The following MOSPD2 variants were observed in gnomAD, a reference collection of about 807,000 sequenced individuals.
MOSPD2 encodes the protein motile sperm domain containing 2.
In MOSPD2, 5 loss-of-function variants were observed where a neutral mutation model predicts 41.7. That is an observed-to-expected ratio of 0.12 (90% CI 0.06 to 0.25). The LOEUF (loss-of-function observed/expected upper bound fraction) is 0.25, where lower values mean the gene tolerates loss of function less well. MOSPD2 is among the 10% of genes least tolerant of loss of function. The pLI is 1.00. For missense variants in MOSPD2, 282 were observed against 375.2 expected, an observed-to-expected ratio of 0.75 and a Z score of 2.05; for synonymous variants, 115 against 126.9, an observed-to-expected ratio of 0.91 and a Z score of 0.63.
chrX:14,889,178 C>T (rs995612561), intron 2 of MOSPD2, among the ~76,000 whole-genome samples: 7 of 110,667 alleles, frequency 6.3e-5, no homozygotes, highest in African/African-American at 2.3e-4. Context: ...AGGGAGGAAC[C>T]CTTATGGCCT....
At chrX:14,896,164 C>T (rs992523831) in intron 4 of MOSPD2, among the ~76,000 whole-genome samples, 1 of 110,613 alleles carries the variant, frequency 9.0e-6, no homozygotes, top group Non-Finnish European at 1.9e-5. Flanking sequence ...TGATCAATCA[C>T]GAGCATCTTG....
At chrX:14,878,988 TCTTA>T (rs2092526668) in intron 2 of MOSPD2, among the ~76,000 whole-genome samples, 2 of 112,284 alleles carry the variant, frequency 1.8e-5, no homozygotes, top group Middle Eastern at 4.6e-3. Flanking sequence ...TTACTCATTC[TCTTA>T]CTTCTCATTA....
chrX:14,919,733 T>C lies in MOSPD2; in HGVS notation c.1481T>C (p.Phe494Ser), dbSNP rs760339015. 6 of 1,209,676 alleles carry C rather than the reference T, an allele frequency of 5.0e-6. No homozygotes were observed. The South Asian group carries it at 1.1e-4, about 21-fold the overall frequency. Residue 494 changes from phenylalanine (F) to serine (S), a missense_variant, in exon 15 of 15, where the codon TTC becomes TCC. Physicochemically the swap from Phe to Ser is radical, Grantham distance 155 (BLOSUM62 -2). Transcript: ENST00000380492. ...GACCAAGTTCAGCGTTGTATCTGGTTCCAGCAGCTGCTGCTTTCCTTAACA... is the reference window on the plus strand; with the variant it reads ...GACCAAGTTCAGCGTTGTATCTGGTCCCAGCAGCTGCTGCTTTCCTTAACA... ...LEDQVQRCIW[F>S]QQLLLSLTML...
rs769683212 is a variant in MOSPD2, at chrX:14,882,922, C to T, written c.79+9164C>T. On this transcript the variant is annotated intron_variant, in intron 2 of 14. Coordinates refer to ENST00000380492, the MANE Select transcript of MOSPD2 (RefSeq NM_152581.4). ...AAAGAATCTGTTACTAGGTGCTGGG[C>T]GCTGTGGCTCACGCCTGGAATCCCA... Among the ~76,000 whole-genome samples, 5 of 110,408 alleles carry T rather than the reference C, an allele frequency of 4.5e-5. No individual in the cohort carries two copies. The East Asian group carries it at 1.1e-3, about 25-fold the overall frequency.
chrX:14,918,097 C>T (rs993151654), intron 13 of MOSPD2, among the ~76,000 whole-genome samples: 2 of 111,829 alleles, frequency 1.8e-5, no homozygotes, highest in Admixed American at 1.9e-4. Flanking sequence ...TTCAAAGACA[C>T]TGGTTATGGG....
rs767744988 is a variant in MOSPD2, at chrX:14,897,071, C to G, written c.323-13C>G. ...CCATAAGTCTTGTTCTTATTTTTAT[C>G]TTCTGCTTAAAGTCTGGATCAGGGT... On this transcript the variant is annotated splice_polypyrimidine_tract_variant and intron_variant, in intron 4 of 14. Coordinates refer to ENST00000380492, the MANE Select transcript of MOSPD2 (RefSeq NM_152581.4). 3 of 1,154,000 alleles carry G rather than the reference C, an allele frequency of 2.6e-6. No individual in the cohort carries two copies. Among genetic ancestry groups the G allele is most frequent in the Non-Finnish European group, 1.2e-6 (1 of 865,922 alleles).
intron 3 of MOSPD2, among the ~76,000 whole-genome samples, chrX:14,894,595 C>G (rs1427572478): frequency 9.1e-6 from 1 of 110,313 alleles, no homozygotes; most frequent in Non-Finnish European, 1.9e-5. Context: ...GGGTTACAGG[C>G]GTGAGCCACC....
intron 12 of MOSPD2, 114 bp from the exon 13 acceptor site, chrX:14,916,083 C>T: frequency 9.1e-7 from 1 of 1,094,369 alleles, no homozygotes; most frequent in Non-Finnish European, 1.2e-6. Flanking sequence ...AAGACATTTC[C>T]ATTTTCTTCT....
chrX:14,899,565 T>TACACACACACACACACACACAC (rs59555716), intron 5 of MOSPD2, among the ~76,000 whole-genome samples: 65 of 81,046 alleles, frequency 8.0e-4, no homozygotes, highest in Non-Finnish European at 1.5e-3. Context: ...ATTATATACA[T>TACACACACACACACACACACAC]ACACACACAC....
At chrX:14,885,637 A>G (rs2092539789) in intron 2 of MOSPD2, among the ~76,000 whole-genome samples, 1 of 111,404 alleles carries the variant, frequency 9.0e-6, no homozygotes, top group Non-Finnish European at 1.9e-5. Flanking sequence ...AAGTTTGCCA[A>G]TCTTGTCATA....
At chrX:14,899,606 A>ACACACACACACACACACAC (rs1569103813) in intron 5 of MOSPD2, among the ~76,000 whole-genome samples, 4 of 105,599 alleles carry the variant, frequency 3.8e-5, no homozygotes, top group Non-Finnish European at 5.8e-5. Context: ...ACACACACAC[A>ACACACACACACACACACAC]AAGGTATTAT....
chrX:14,875,928 C>T (rs770528413), intron 2 of MOSPD2, among the ~76,000 whole-genome samples: 3 of 111,624 alleles, frequency 2.7e-5, no homozygotes, highest in African/African-American at 6.5e-5. Flanking sequence ...ACATGGGTTC[C>T]GTAGCAGCCT....
chrX:14,913,259 T>A (rs978155550), intron 10 of MOSPD2, among the ~76,000 whole-genome samples: 28 of 112,032 alleles, frequency 2.5e-4, no homozygotes, highest in African/African-American at 8.4e-4. Flanking sequence ...TATTTGGAAG[T>A]TACACATTCT....
chrX:14,922,320 G>GA lies in MOSPD2; in HGVS notation c.*2518dup, dbSNP rs1003383883. The stretch of plus-strand genomic sequence containing the variant: ...ACATTTATGAAATAAATATCATCAG[G>GA]AAAAAAACCTCTGGTCTCTAATTGA... On this transcript the variant is annotated 3_prime_UTR_variant, in exon 15 of 15. Transcript: ENST00000380492. 2.7e-5 allele frequency: 3 copies of GA among 110,867 alleles called. No homozygotes were observed. Among genetic ancestry groups the GA allele is most frequent in the East Asian group, 2.8e-4 (1 of 3,533 alleles). 9.1% of individuals were successfully genotyped at this position (110,867 alleles called of 1,213,427 possible).
chrX:14,887,529 C>G (rs930458685), intron 2 of MOSPD2, among the ~76,000 whole-genome samples: 3 of 111,260 alleles, frequency 2.7e-5, no homozygotes, highest in African/African-American at 9.8e-5. Context: ...TCATTCTACT[C>G]TATATCCTGA....
At chrX:14,893,695 C>T (rs1277761734) in intron 3 of MOSPD2, among the ~76,000 whole-genome samples, 1 of 112,554 alleles carries the variant, frequency 8.9e-6, no homozygotes, top group African/African-American at 3.2e-5. Flanking sequence ...AGCAGATACT[C>T]TCCTCACTCT....
chrX:14,883,148 C>T (rs1245167061), intron 2 of MOSPD2, among the ~76,000 whole-genome samples: 1 of 109,696 alleles, frequency 9.1e-6, no homozygotes, highest in Admixed American at 9.7e-5. Flanking sequence ...GAGCCAAGAT[C>T]GTGCCACTGA....
intron 7 of MOSPD2, among the ~76,000 whole-genome samples, chrX:14,905,473 C>T (rs1269575559): frequency 9.1e-6 from 1 of 110,240 alleles, no homozygotes; most frequent in Non-Finnish European, 1.9e-5. Context: ...ATGTAACTGA[C>T]ACACGTCTTC....
intron 4 of MOSPD2, among the ~76,000 whole-genome samples, chrX:14,896,847 T>C (rs1312622932): frequency 8.9e-6 from 1 of 112,871 alleles, no homozygotes; most frequent in Non-Finnish European, 1.9e-5. Context: ...GTATTTTCTT[T>C]TCCCTCTTAC....
Sources: allele counts gnomAD v4.1 joint callset (sites outside exome capture counted in the v4.1 genomes callset), GRCh38; gene constraint gnomAD v4.1.1; transcripts MANE v1.5; gene names NCBI Gene and HGNC (gene_info 2026-07-23, HGNC 2026-07-21).